The following ODAD2 variants were observed in gnomAD, a reference collection of about 807,000 sequenced individuals.
ODAD2 encodes outer dynein arm docking complex subunit 2, also known as outer dynein arm-docking complex subunit 2.
Under a neutral mutation model 106.8 loss-of-function variants are expected in ODAD2, and 89 were observed. The ratio of observed to expected loss-of-function variants is 0.83; its 90% CI spans 0.70 to 0.99. The LOEUF is 0.99. Among genes scored for constraint, ODAD2 ranks in the 50% least tolerant of loss-of-function variants. The pLI is 0.00. For missense variants in ODAD2, 1,168 were observed against 1,238.5 expected, an observed-to-expected ratio of 0.94 and a Z score of 0.85; for synonymous variants, 404 against 436.2, an observed-to-expected ratio of 0.93 and a Z score of 0.92.
chr10:27,864,650 G>C (rs1840313721), intron 17 of ODAD2, among the ~76,000 whole-genome samples: 1 of 151,470 alleles, frequency 6.6e-6, no homozygotes, highest in Non-Finnish European at 1.5e-5. Flanking sequence ...TGGGGTGATA[G>C]TGGGCTCTTT....
intron 17 of ODAD2, among the ~76,000 whole-genome samples, chr10:27,893,214 T>G (rs186053632): frequency 1.3e-5 from 2 of 151,992 alleles, no homozygotes; most frequent in African/African-American, 4.8e-5. Context: ...AGAAAAGAAA[T>G]AAAGAAAAGA....
intron 10 of ODAD2, among the ~76,000 whole-genome samples, chr10:27,948,933 A>G (rs1847139516): frequency 1.3e-5 from 2 of 151,336 alleles, no homozygotes; most frequent in Admixed American, 6.6e-5. Context: ...GCTCTCTTTC[A>G]CTTTTCTTAA....
intron 19 of ODAD2, among the ~76,000 whole-genome samples, chr10:27,827,541 C>T (rs1009884206): frequency 6.6e-6 from 1 of 151,974 alleles, no homozygotes; most frequent in Non-Finnish European, 1.5e-5. Context: ...GACATTTAGA[C>T]ATCATCACTC....
intron 19 of ODAD2, among the ~76,000 whole-genome samples, chr10:27,844,664 A>G (rs981456348): frequency 3.3e-5 from 5 of 152,236 alleles, no homozygotes; most frequent in Non-Finnish European, 7.3e-5. Flanking sequence ...TCAATAGGTT[A>G]TGGAGAAGAT....
In ODAD2 at chr10:27,843,405, A is replaced by T. The variant is rs186231996; in HGVS notation, c.3021+17220T>A. On this transcript the variant is annotated intron_variant, in intron 19 of 19. Transcript: ENST00000305242. ...AGTGTACCACCCAGCATAACTGGGT[A>T]AAAAAGCAACTGGCTGATGCAGAGT... Among the ~76,000 whole-genome samples the T allele has an allele frequency of 2.0e-5, 3 of 152,332 alleles. No individual in the cohort carries two copies. In the East Asian group the frequency reaches 5.8e-4, roughly 29 times the overall value.
intron 10 of ODAD2, among the ~76,000 whole-genome samples, chr10:27,948,231 T>A (rs1187387874): frequency 6.9e-6 from 1 of 144,892 alleles, no homozygotes; most frequent in Non-Finnish European, 1.5e-5. Flanking sequence ...TGGAAACATA[T>A]TCATAGGCTT....
intron 2 of ODAD2, among the ~76,000 whole-genome samples, chr10:27,987,951 A>T (rs1380823470): frequency 4.6e-5 from 7 of 151,138 alleles, no homozygotes; most frequent in Admixed American, 4.6e-4. Context: ...TTTTTACACC[A>T]CAGTAATTAG....
intron 19 of ODAD2, among the ~76,000 whole-genome samples, chr10:27,833,946 G>C (rs1437100125): frequency 6.6e-6 from 1 of 152,240 alleles, no homozygotes; most frequent in Non-Finnish European, 1.5e-5. Flanking sequence ...AACATTCCAA[G>C]CCGAGAAAGG....
chr10:27,815,188 C>CA (rs749461006), intron 19 of ODAD2, among the ~76,000 whole-genome samples: 3 of 152,178 alleles, frequency 2.0e-5, no homozygotes, highest in Non-Finnish European at 4.4e-5. Context: ...CAAGGCCCAC[C>CA]ATCCACTTGT....
chr10:27,885,526 A>T (rs1383190075), intron 17 of ODAD2, among the ~76,000 whole-genome samples: 3 of 13,114 alleles, frequency 2.3e-4, no homozygotes, highest in African/African-American at 2.0e-4. Context: ...AAAAAAAAAA[A>T]AAAAAAAATA....
intron 10 of ODAD2, among the ~76,000 whole-genome samples, chr10:27,954,918 A>G (rs1847613580): frequency 6.6e-6 from 1 of 152,236 alleles, no homozygotes; most frequent in Non-Finnish European, 1.5e-5. Flanking sequence ...TACAATATCT[A>G]TGAAAGCATA....
chr10:27,826,537 T>C (rs1837058457), intron 19 of ODAD2, among the ~76,000 whole-genome samples: 1 of 152,016 alleles, frequency 6.6e-6, no homozygotes, highest in Non-Finnish European at 1.5e-5. Flanking sequence ...AAAATAGAAA[T>C]CACGAAAAGG....
chr10:27,849,045 T>TA (rs1297083175), intron 19 of ODAD2, among the ~76,000 whole-genome samples: 6 of 152,198 alleles, frequency 3.9e-5, no homozygotes, highest in African/African-American at 1.4e-4. Flanking sequence ...AGCCATCCCA[T>TA]TACTGGGTAT....
chr10:27,850,303 G>T (rs1308435771), intron 19 of ODAD2, among the ~76,000 whole-genome samples: 2 of 151,948 alleles, frequency 1.3e-5, no homozygotes, highest in African/African-American at 2.4e-5. Context: ...AAATTAGACG[G>T]CCGTGGTGGC....
intron 19 of ODAD2, among the ~76,000 whole-genome samples, chr10:27,855,569 T>G (rs1047993093): frequency 1.1e-4 from 17 of 152,224 alleles, no homozygotes; most frequent in African/African-American, 3.4e-4. Context: ...ATATGGGCAC[T>G]TAATGAGTGT....
chr10:27,975,763 C>T (rs1223519297), intron 7 of ODAD2, among the ~76,000 whole-genome samples: 1 of 152,038 alleles, frequency 6.6e-6, no homozygotes, highest in East Asian at 1.9e-4. Flanking sequence ...CAAACTCTTC[C>T]AAAAAATTGA....
At chr10:27,961,795 T>C (rs1848161528) in intron 9 of ODAD2, 80 bp from the exon 10 acceptor site, 1 of 1,245,228 alleles carries the variant, frequency 8.0e-7, no homozygotes, top group Non-Finnish European at 1.1e-6. Flanking sequence ...CCAGGTGCAG[T>C]GGCTCATGCC....
chr10:27,842,328 A>G (rs138831505), intron 19 of ODAD2, among the ~76,000 whole-genome samples: 1 of 152,296 alleles, frequency 6.6e-6, no homozygotes, highest in Non-Finnish European at 1.5e-5. Flanking sequence ...GAGAATCTCT[A>G]CACTGTATCT....
chr10:27,980,408 A>G (rs187220949), intron 7 of ODAD2, among the ~76,000 whole-genome samples: 74 of 152,298 alleles, frequency 4.9e-4, no homozygotes, highest in Non-Finnish European at 9.3e-4. Context: ...AACCTGCAGA[A>G]CAAGAGAAAA....
Sources: allele counts gnomAD v4.1 joint callset (sites outside exome capture counted in the v4.1 genomes callset), GRCh38; gene constraint gnomAD v4.1.1; transcripts MANE v1.5; gene names NCBI Gene and HGNC (gene_info 2026-07-23, HGNC 2026-07-21).